GOT1: variants seen among roughly 807,000 people sequenced by gnomAD.
The protein encoded by GOT1 is glutamic-oxaloacetic transaminase 1.
Under a neutral mutation model 48.2 loss-of-function variants are expected in GOT1, and 25 were observed. That is an observed-to-expected ratio of 0.52 (90% CI 0.38 to 0.72). The LOEUF (loss-of-function observed/expected upper bound fraction) is 0.72, where lower values mean the gene tolerates loss of function less well. Among genes scored for constraint, GOT1 ranks in the 30% least tolerant of loss-of-function variants. The pLI, the probability that GOT1 is intolerant of heterozygous loss-of-function variation, is 0.00. For missense variants in GOT1, 380 were observed against 520.1 expected (o/e 0.73, Z 2.62); for synonymous variants, 188 against 193.8 (o/e 0.97, Z 0.25).
chr10:99,424,794 C>T (rs112017119), intron 1 of GOT1, among the ~76,000 whole-genome samples: 33 of 152,096 alleles, frequency 2.2e-4, no homozygotes, highest in African/African-American at 8.0e-4. Context: ...CCAGTTTTTC[C>T]CAGGTTGAGT....
intron 1 of GOT1, among the ~76,000 whole-genome samples, chr10:99,429,090 C>T (rs1206187301): frequency 6.6e-6 from 1 of 151,832 alleles, no homozygotes; most frequent in Non-Finnish European, 1.5e-5. Flanking sequence ...CGCTCTGTCG[C>T]CCAGCCTGGA....
intron 2 of GOT1, among the ~76,000 whole-genome samples, chr10:99,411,103 A>T (rs113210191): frequency 6.6e-6 from 1 of 152,264 alleles, no homozygotes; most frequent in Non-Finnish European, 1.5e-5. Flanking sequence ...ATGGTACTAC[A>T]TAAGCATGTG....
intron 2 of GOT1, among the ~76,000 whole-genome samples, chr10:99,417,940 T>C (rs2032918191): frequency 6.6e-6 from 1 of 151,978 alleles, no homozygotes; most frequent in South Asian, 2.1e-4. Flanking sequence ...TTAGGAGATA[T>C]ACCTAATGTA....
At position 99,398,586 on chromosome 10, in the gene GOT1, C is replaced by T. The variant is rs139995126; in HGVS notation, c.1103-900G>A. On this transcript the variant is annotated intron_variant, in intron 8 of 8. Coordinates refer to ENST00000370508, the MANE Select transcript of GOT1 (RefSeq NM_002079.3). ...TCAGGAGGCTGAGGCAGGAGAATTG[C>T]TTGAAACCCAAGAGGAGGAAGTTGC... 4.1e-3 allele frequency among the ~76,000 whole-genome samples: 628 copies of T among 151,998 alleles called. 8 individuals carry two copies. Among genetic ancestry groups the T allele is most frequent in the African/African-American group, 0.015 (604 of 41,444 alleles).
intron 7 of GOT1, 39 bp downstream of exon 7, chr10:99,403,430 C>A: frequency 6.4e-7 from 1 of 1,550,426 alleles, no homozygotes; most frequent in Non-Finnish European, 8.8e-7. Context: ...CTGTTCTGCA[C>A]TCCCCACCCC....
chr10:99,396,892 ATTTTT>A lies in GOT1; in HGVS notation c.*650_*654del, dbSNP rs1426006872. On this transcript the variant is annotated 3_prime_UTR_variant, in exon 9 of 9. Coordinates refer to ENST00000370508, the MANE Select transcript of GOT1 (RefSeq NM_002079.3). ...ATGTCTTGATCAACATTTTTATTTT[ATTTTT>A]TTAGGTGAAGTAGAACACAATAGAA... The A allele has an allele frequency of 1.3e-5, 2 of 152,168 alleles. No individual in the cohort carries two copies. Among genetic ancestry groups the A allele is most frequent in the African/African-American group, 4.8e-5 (2 of 41,438 alleles). The allele number at this position is 152,168 out of a possible 1,614,324, so 9.4% of individuals were successfully genotyped here.
chr10:99,402,548 C>T (rs200248169), intron 8 of GOT1, 32 bp downstream of exon 8: 79 of 1,611,894 alleles, frequency 4.9e-5, no homozygotes, highest in South Asian at 6.6e-5. Flanking sequence ...TCTACATGCA[C>T]GCATGGGCTG....
At chr10:99,429,068 GAGAA>G (rs1157128582) in intron 1 of GOT1, among the ~76,000 whole-genome samples, 34 of 131,778 alleles carry the variant, frequency 2.6e-4, no homozygotes, top group African/African-American at 9.5e-4. Flanking sequence ...TTTTTTTTTT[GAGAA>G]AGAGTCTCGC....
At chr10:99,407,922 G>T (rs1204757145) in intron 2 of GOT1, among the ~76,000 whole-genome samples, 1 of 151,756 alleles carries the variant, frequency 6.6e-6, no homozygotes, top group Non-Finnish European at 1.5e-5. Flanking sequence ...TTTAAGCCCC[G>T]CATGCATTAG....
At chr10:99,414,059 CATA>C (rs894435973) in intron 2 of GOT1, among the ~76,000 whole-genome samples, 4 of 152,190 alleles carry the variant, frequency 2.6e-5, no homozygotes, top group Non-Finnish European at 4.4e-5. Context: ...CAGCTAACAT[CATA>C]ATAACAGGAT....
chr10:99,403,420 C>T (rs773319565), intron 7 of GOT1, 49 bp downstream of exon 7: 1 of 1,454,000 alleles, frequency 6.9e-7, no homozygotes, highest in Non-Finnish European at 9.5e-7. Flanking sequence ...GGGACAATTA[C>T]TGTTCTGCAC....
intron 1 of GOT1, among the ~76,000 whole-genome samples, chr10:99,421,920 C>T (rs946197731): frequency 2.0e-5 from 3 of 151,822 alleles, no homozygotes; most frequent in Admixed American, 6.6e-5. Flanking sequence ...CTGAACAACA[C>T]GTGTTGATTG....
rs1394084159 is a variant in GOT1 at position 99,405,606 on chromosome 10, T to C, written c.642+150A>G. ...AACATTAACAGTATCTTTCTTTAGG[T>C]AATAAAATTTACAGTTAATACTTAT... On this transcript the variant is annotated intron_variant, in intron 5 of 8. Coordinates refer to ENST00000370508, the MANE Select transcript of GOT1 (RefSeq NM_002079.3). 5 of 582,732 alleles carry C rather than the reference T, an allele frequency of 8.6e-6. 1 individual carries two copies. In the Admixed American group the frequency reaches 1.4e-4, roughly 17 times the overall value. The allele number at this position is 582,732 out of a possible 1,614,324, so 36.1% of individuals were successfully genotyped here.
intron 2 of GOT1, among the ~76,000 whole-genome samples, chr10:99,412,062 T>C (rs1275093454): frequency 6.6e-6 from 1 of 152,134 alleles, no homozygotes; most frequent in East Asian, 1.9e-4. Context: ...CTTGATCAGC[T>C]CTTGAAGGAC....
At chr10:99,421,583 G>A (rs2032967621) in intron 1 of GOT1, among the ~76,000 whole-genome samples, 1 of 151,420 alleles carries the variant, frequency 6.6e-6, no homozygotes, top group Non-Finnish European at 1.5e-5. Context: ...CTCTTCCTCT[G>A]AAAGTATTTT....
At chr10:99,403,411 G>T in intron 7 of GOT1, 58 bp downstream of exon 7, 2 of 1,360,906 alleles carry the variant, frequency 1.5e-6, no homozygotes, top group Non-Finnish European at 2.0e-6. Context: ...AAATGTACTG[G>T]GACAATTACT....
chr10:99,420,752 C>T lies in GOT1; in HGVS notation c.172G>A (p.Glu58Lys). Residue 58 changes from glutamate to lysine, a missense_variant, in exon 2 of 9, where the codon GAG (glutamate) becomes AAG (lysine). By Grantham distance (56) the Glu-to-Lys change is moderately conservative (BLOSUM62 1). Coordinates refer to ENST00000370508, the MANE Select transcript of GOT1 (RefSeq NM_002079.3). ...PWVLPVVKKV[E>K]QKIANDNSLN... ...CTATTGTCATTAGCAATCTTCTGCT[C>T]CACTTTCTTCACTACTGGCAAAACC... is the stretch of plus-strand genomic sequence containing the variant. The T allele has an allele frequency of 6.2e-7, 1 of 1,614,026 alleles. No individual in the cohort carries two copies. The highest frequency in any genetic ancestry group is 8.5e-7 in the Non-Finnish European group (1 of 1,179,934).
At chr10:99,418,181 A>C (rs1283067480) in intron 2 of GOT1, among the ~76,000 whole-genome samples, 2 of 152,070 alleles carry the variant, frequency 1.3e-5, no homozygotes, top group Non-Finnish European at 2.9e-5. Context: ...TGCTGCCATG[A>C]AGATGGCCTT....
At chr10:99,425,647 G>A (rs936927583) in intron 1 of GOT1, among the ~76,000 whole-genome samples, 1 of 152,154 alleles carries the variant, frequency 6.6e-6, no homozygotes, top group African/African-American at 2.4e-5. Context: ...AAAAAGACAG[G>A]GGATTGGGGA....
Sources: allele counts gnomAD v4.1 joint callset (sites outside exome capture counted in the v4.1 genomes callset), GRCh38; gene constraint gnomAD v4.1.1; transcripts MANE v1.5; gene names NCBI Gene and HGNC (gene_info 2026-07-23, HGNC 2026-07-21).